Variants in TET3 observed in about 807,000 individuals in gnomAD.
The protein encoded by TET3 is methylcytosine dioxygenase TET3.
A neutral mutation model predicts 141.4 loss-of-function variants in TET3; 19 were observed. The ratio of observed to expected loss-of-function variants is 0.13; its 90% CI spans 0.09 to 0.20. The LOEUF is 0.20. Ranked by LOEUF, TET3 falls within the 10% of genes least tolerant of loss-of-function variation. The pLI is 1.00. For missense variants in TET3, 1,874 were observed against 2,356.9 expected, an observed-to-expected ratio of 0.80 and a Z score of 4.24; for synonymous variants, 1,043 against 980.9, an observed-to-expected ratio of 1.06 and a Z score of -1.18.
At chr2:74,080,445 G>T (rs997158728) in intron 5 of TET3, 53 bp from the exon 6 acceptor site, 1 of 1,529,432 alleles carries the variant, frequency 6.5e-7, no homozygotes, top group Non-Finnish European at 9.0e-7. Flanking sequence ...ACCAAAAGTT[G>T]TTCTCCTTTG....
intron 2 of TET3, among the ~76,000 whole-genome samples, chr2:74,000,322 GTAGGGAAGA>G (rs1209748330): frequency 6.6e-6 from 1 of 152,194 alleles, no homozygotes; most frequent in Admixed American, 6.5e-5. Context: ...GCCTAGGAAA[GTAGGGAAGA>G]CAGGGCCCCC....
chr2:74,023,077 T>G (rs1686141903), intron 3 of TET3, among the ~76,000 whole-genome samples: 1 of 151,404 alleles, frequency 6.6e-6, no homozygotes, highest in Non-Finnish European at 1.5e-5. Flanking sequence ...CGCACGGCCT[T>G]ATTCTGCATT....
rs557240979 is a variant in TET3 at position 73,999,371 on chromosome 2, G to C, written c.304-3739G>C. ...CAAATATTTCCTGTCTCATTGGTTTGTTTAGAGAGTTAAAAAAGATACAGT... is the reference window on the plus strand; with the variant it reads ...CAAATATTTCCTGTCTCATTGGTTTCTTTAGAGAGTTAAAAAAGATACAGT... On this transcript the variant is annotated intron_variant, in intron 2 of 11. Coordinates refer to ENST00000409262, the MANE Select transcript of TET3 (RefSeq NM_001287491.2). Among the ~76,000 whole-genome samples the C allele has an allele frequency of 2.1e-3, 315 of 152,296 alleles. 3 individuals are homozygous for C. Among genetic ancestry groups the C allele is most frequent in the Non-Finnish European group, 4.0e-3 (269 of 68,020 alleles).
chr2:74,020,810 GT>G (rs1558718526), intron 3 of TET3, among the ~76,000 whole-genome samples: 1 of 152,196 alleles, frequency 6.6e-6, no homozygotes, highest in East Asian at 1.9e-4. Flanking sequence ...GAGTGAGGAC[GT>G]GAGCTGATTT....
chr2:74,085,666 G>A (rs545374535), intron 6 of TET3, among the ~76,000 whole-genome samples: 5 of 152,268 alleles, frequency 3.3e-5, no homozygotes, highest in African/African-American at 1.2e-4. Flanking sequence ...AGCTGCTGCT[G>A]ATCTGACAGG....
intron 2 of TET3, among the ~76,000 whole-genome samples, chr2:73,987,109 G>A (rs924055200): frequency 2.0e-5 from 3 of 152,192 alleles, no homozygotes; most frequent in African/African-American, 7.2e-5. Flanking sequence ...CAAAGTTTTG[G>A]ATTGACAGGG....
At chr2:74,010,420 C>T (rs994743805) in intron 3 of TET3, among the ~76,000 whole-genome samples, 5 of 152,144 alleles carry the variant, frequency 3.3e-5, no homozygotes, top group African/African-American at 1.2e-4. Context: ...ATGCTCCCAC[C>T]CCCACAGCCA....
At chr2:74,071,900 G>C (rs1019502133) in intron 4 of TET3, among the ~76,000 whole-genome samples, 2 of 152,156 alleles carry the variant, frequency 1.3e-5, no homozygotes, top group Admixed American at 6.5e-5. Flanking sequence ...CATCCATGTT[G>C]TTACGTGAAT....
At chr2:74,097,230 C>CACACACACACACACACAT (rs1419069634) in intron 10 of TET3, among the ~76,000 whole-genome samples, 1 of 150,996 alleles carries the variant, frequency 6.6e-6, no homozygotes, top group Non-Finnish European at 1.5e-5. Flanking sequence ...CACACACACA[C>CACACACACACACACACAT]ATACATTCAA....
intron 2 of TET3, among the ~76,000 whole-genome samples, chr2:73,997,668 G>C (rs914975193): frequency 4.6e-5 from 7 of 152,196 alleles, no homozygotes; most frequent in African/African-American, 1.7e-4. Flanking sequence ...CCCGAGGCAG[G>C]ACATCATCTG....
At chr2:74,131,857 T>TA in the TET3 span, among the ~76,000 whole-genome samples, 3 of 146,364 alleles carry the variant, frequency 2.0e-5, no homozygotes, top group African/African-American at 7.5e-5. Flanking sequence ...ATCCGTCAAT[T>TA]AAAAAAACCT....
chr2:73,998,866 A>G (rs1227023570), intron 2 of TET3, among the ~76,000 whole-genome samples: 2 of 152,102 alleles, frequency 1.3e-5, no homozygotes, highest in Non-Finnish European at 2.9e-5. Flanking sequence ...CTCATAGTCA[A>G]TTCCAAGTGC....
Position 74,093,698 on chromosome 2 carries a change from T to C in TET3, c.3267+32T>C, listed in dbSNP as rs1285169784. On this transcript the variant is annotated intron_variant, in intron 10 of 11. Transcript: ENST00000409262. This position sits in a 1 kb window ranked among gnomAD's most constrained non-coding sequence, Gnocchi z 4.2. Reference sequence around the variant, plus strand: ...CTGTGCCCTGTCATAGCCCCACCTGTGGGGCAACTGTGGGAGGGAGTCCAC... The same window carrying C: ...CTGTGCCCTGTCATAGCCCCACCTGCGGGGCAACTGTGGGAGGGAGTCCAC... The C allele has an allele frequency of 6.5e-7, 1 of 1,536,732 alleles. No individual in the cohort carries two copies. The highest frequency in any genetic ancestry group is 8.8e-7 in the Non-Finnish European group (1 of 1,133,766).
At chr2:74,073,186 C>A (rs554940183) in intron 4 of TET3, among the ~76,000 whole-genome samples, 2 of 152,196 alleles carry the variant, frequency 1.3e-5, no homozygotes, top group Admixed American at 1.3e-4. Context: ...GCTTGCTGAC[C>A]CCTGGTCTTG....
At chr2:74,012,094 A>G (rs1460623558) in intron 3 of TET3, among the ~76,000 whole-genome samples, 1 of 152,066 alleles carries the variant, frequency 6.6e-6, no homozygotes, top group Non-Finnish European at 1.5e-5. Context: ...CTGAGTAGCT[A>G]GGACTACAGG....
At chr2:74,048,865 T>A (rs991388673) in intron 4 of TET3, among the ~76,000 whole-genome samples, 3 of 151,944 alleles carry the variant, frequency 2.0e-5, no homozygotes, top group African/African-American at 7.3e-5. Context: ...GGTGGCTTGG[T>A]GGGTGAGGAG....
chr2:74,063,612 A>G (rs1053846759), intron 4 of TET3, among the ~76,000 whole-genome samples: 9 of 152,244 alleles, frequency 5.9e-5, no homozygotes, highest in African/African-American at 1.9e-4. Context: ...ATAGACTTAT[A>G]GAAGTAGCAA....
At chr2:74,017,425 GTTC>G (rs759407714) in intron 3 of TET3, among the ~76,000 whole-genome samples, 7 of 152,136 alleles carry the variant, frequency 4.6e-5, no homozygotes, top group Non-Finnish European at 8.8e-5. Flanking sequence ...GATAACCACT[GTTC>G]TTCTCTCTGT....
downstream of TET3, among the ~76,000 whole-genome samples, chr2:74,112,668 G>A (rs1389140959): frequency 2.0e-5 from 3 of 152,132 alleles, no homozygotes; most frequent in Non-Finnish European, 4.4e-5. Flanking sequence ...AAATACAAGA[G>A]ATTAGACAGT....
Sources: allele counts gnomAD v4.1 joint callset (sites outside exome capture counted in the v4.1 genomes callset), GRCh38; gene constraint gnomAD v4.1.1; non-coding constraint Gnocchi (gnomAD v3.1); transcripts MANE v1.5; gene names NCBI Gene and HGNC (gene_info 2026-07-23, HGNC 2026-07-21).